ATE1: variants seen among roughly 807,000 people sequenced by gnomAD.
The protein encoded by ATE1 is arginyl-tRNA--protein transferase 1.
Under a neutral mutation model 70.5 loss-of-function variants are expected in ATE1, and 36 were observed. The observed-to-expected ratio is 0.51, with a 90% CI of 0.39 to 0.67. ATE1 has a LOEUF of 0.67. Ranked by LOEUF, ATE1 falls within the 30% of genes least tolerant of loss-of-function variation. The pLI is 0.00. For synonymous variants in ATE1, 232 were observed against 219.3 expected (o/e 1.06, Z -0.51); for missense variants, 593 against 629.5 (o/e 0.94, Z 0.62).
chr10:121,896,606 C>G (rs917886661), intron 7 of ATE1, among the ~76,000 whole-genome samples: 4 of 151,860 alleles, frequency 2.6e-5, no homozygotes, highest in Admixed American at 2.6e-4. Context: ...GTCAGGAGTT[C>G]AAGACCAGCC....
At chr10:121,821,176 C>T (rs1051021313) in intron 10 of ATE1, among the ~76,000 whole-genome samples, 2 of 152,156 alleles carry the variant, frequency 1.3e-5, no homozygotes, top group African/African-American at 4.8e-5. Flanking sequence ...GATCTCCTGA[C>T]CTCGTGATCC....
At chr10:121,858,021 C>T (rs1326598164) in intron 8 of ATE1, among the ~76,000 whole-genome samples, 1 of 152,132 alleles carries the variant, frequency 6.6e-6, no homozygotes, top group Non-Finnish European at 1.5e-5. Flanking sequence ...TTGAGAATTT[C>T]CCTCCTTTTT....
intron 6 of ATE1, among the ~76,000 whole-genome samples, chr10:121,901,872 C>A (rs1290510176): frequency 6.6e-6 from 1 of 152,088 alleles, no homozygotes; most frequent in African/African-American, 2.4e-5. Flanking sequence ...TCATATTATG[C>A]CCAAAGTGGT....
At chr10:121,751,433 A>C (rs1944574612) in intron 11 of ATE1, among the ~76,000 whole-genome samples, 1 of 152,202 alleles carries the variant, frequency 6.6e-6, no homozygotes, top group African/African-American at 2.4e-5. Flanking sequence ...TCCCACCAGC[A>C]GTATACAAAG....
chr10:121,917,422 G>T (rs1951704908), intron 3 of ATE1, among the ~76,000 whole-genome samples: 1 of 152,198 alleles, frequency 6.6e-6, no homozygotes, highest in East Asian at 1.9e-4. Context: ...ACTTGTGCAG[G>T]AAAAGTAATC....
At chr10:121,858,734 A>T (rs957538133) in intron 8 of ATE1, among the ~76,000 whole-genome samples, 3 of 148,796 alleles carry the variant, frequency 2.0e-5, no homozygotes, top group Admixed American at 6.7e-5. Flanking sequence ...GAATGGCTAC[A>T]TCTTTGGGGT....
intron 4 of ATE1, 77 bp downstream of exon 4, chr10:121,913,707 ACCCTTC>A (rs1951533547): frequency 1.1e-6 from 1 of 894,682 alleles, no homozygotes; most frequent in Admixed American, 2.1e-5. Flanking sequence ...TGTATTAATG[ACCCTTC>A]CCCTTCCCAA....
chr10:121,883,595 G>A (rs1366666645), intron 7 of ATE1, among the ~76,000 whole-genome samples: 2 of 152,098 alleles, frequency 1.3e-5, no homozygotes, highest in Non-Finnish European at 2.9e-5. Flanking sequence ...AGTCCTGCTC[G>A]GCATTCTGTT....
At chr10:121,745,643 T>C (rs567500919) in intron 11 of ATE1, among the ~76,000 whole-genome samples, 82 of 152,126 alleles carry the variant, frequency 5.4e-4, no homozygotes, top group South Asian at 4.2e-4. Flanking sequence ...AGGAGAATGG[T>C]GTGAACCCGG....
intron 7 of ATE1, among the ~76,000 whole-genome samples, chr10:121,883,224 T>C (rs1950279322): frequency 6.6e-6 from 1 of 152,126 alleles, no homozygotes; most frequent in South Asian, 2.1e-4. Context: ...TACTGATGTA[T>C]TATGCTTATT....
At chr10:121,862,532 A>ATTTTTTTTTTTT (rs35130703) in intron 8 of ATE1, among the ~76,000 whole-genome samples, 21 of 105,376 alleles carry the variant, frequency 2.0e-4, no homozygotes, top group African/African-American at 3.0e-4. Context: ...AATTTTTTTA[A>ATTTTTTTTTTTT]TTTTTTTTTT....
In ATE1 at chr10:121,858,956, G is replaced by A. The variant is rs189262696; in HGVS notation, c.975+11050C>T. Among the ~76,000 whole-genome samples the A allele has an allele frequency of 1.2e-3, 184 of 151,854 alleles. 1 individual carries two copies. Among genetic ancestry groups the A allele is most frequent in the African/African-American group, 4.2e-3 (172 of 41,442 alleles). The stretch of plus-strand genomic sequence containing the variant: ...ACTAAAAATACAAAATTAGCCAGGC[G>A]TGGTGGCACATGCCTGTAATCCCAG... On this transcript the variant is annotated intron_variant, in intron 8 of 11. Coordinates refer to ENST00000224652, the MANE Select transcript of ATE1 (RefSeq NM_001001976.3).
chr10:121,834,182 C>G (rs1948350760), intron 10 of ATE1, among the ~76,000 whole-genome samples: 1 of 152,192 alleles, frequency 6.6e-6, no homozygotes, highest in African/African-American at 2.4e-5. Context: ...AGAGGACCCT[C>G]TGACTACACA....
At chr10:121,851,090 C>CAAAAAAAAAAAA (rs10603053) in intron 8 of ATE1, among the ~76,000 whole-genome samples, 7 of 43,220 alleles carry the variant, frequency 1.6e-4, no homozygotes, top group African/African-American at 4.9e-4. Flanking sequence ...GACTCCATCT[C>CAAAAAAAAAAAA]AAAAAAAAAA....
intron 8 of ATE1, among the ~76,000 whole-genome samples, chr10:121,859,402 G>A (rs1421825124): frequency 2.6e-5 from 4 of 151,268 alleles, no homozygotes; most frequent in African/African-American, 9.7e-5. Flanking sequence ...GACTACAGGC[G>A]CCCACCACTA....
chr10:121,845,710 G>A (rs1948792149), intron 8 of ATE1, among the ~76,000 whole-genome samples: 1 of 152,156 alleles, frequency 6.6e-6, no homozygotes, highest in Admixed American at 6.5e-5. Context: ...ATGGCAGACA[G>A]TAAGAATCAG....
At chr10:121,921,070 T>A (rs946697545) in intron 3 of ATE1, among the ~76,000 whole-genome samples, 1 of 151,520 alleles carries the variant, frequency 6.6e-6, no homozygotes, top group Admixed American at 6.6e-5. Context: ...TTCCAATTAA[T>A]TTTTTTTTCA....
intron 10 of ATE1, among the ~76,000 whole-genome samples, chr10:121,803,882 T>C (rs1946992672): frequency 6.6e-6 from 1 of 152,232 alleles, no homozygotes; most frequent in Admixed American, 6.5e-5. Flanking sequence ...TTTTTCGGCC[T>C]GATGGAAAAT....
At chr10:121,754,150 G>T (rs1179460436) in intron 11 of ATE1, among the ~76,000 whole-genome samples, 2 of 152,142 alleles carry the variant, frequency 1.3e-5, no homozygotes, top group East Asian at 1.9e-4. Flanking sequence ...AGATATAAAC[G>T]TATGTGTATA....
Sources: allele counts gnomAD v4.1 joint callset (sites outside exome capture counted in the v4.1 genomes callset), GRCh38; gene constraint gnomAD v4.1.1; transcripts MANE v1.5; gene names NCBI Gene and HGNC (gene_info 2026-07-23, HGNC 2026-07-21).